Variants in PARD3B observed in about 807,000 individuals in gnomAD.
PARD3B encodes partitioning defective 3 homolog B.
PARD3B carries 103 observed loss-of-function variants against 130.2 expected under a neutral mutation model. That is an observed-to-expected ratio of 0.79 (90% CI 0.67 to 0.93). The LOEUF is 0.93. PARD3B is among the 40% of genes least tolerant of loss of function. PARD3B has a pLI of 0.00. For synonymous variants in PARD3B, 583 were observed against 553.2 expected (o/e 1.05, Z -0.76); for missense variants, 1,609 against 1,499.2 (o/e 1.07, Z -1.21).
At chr2:205,581,200 A>G (rs1166743704) in intron 22 of PARD3B, among the ~76,000 whole-genome samples, 1 of 149,470 alleles carries the variant, frequency 6.7e-6, no homozygotes, top group Non-Finnish European at 1.5e-5. Flanking sequence ...CTATCAACAA[A>G]TAAATGGATA....
chr2:205,006,933 T>C (rs760153910), intron 3 of PARD3B, among the ~76,000 whole-genome samples: 4 of 152,220 alleles, frequency 2.6e-5, no homozygotes, highest in Non-Finnish European at 5.9e-5. Flanking sequence ...TCTAGAATTT[T>C]TATGGTTTTA....
At chr2:205,381,410 C>T (rs35435713) in intron 18 of PARD3B, among the ~76,000 whole-genome samples, 19,386 of 150,860 alleles carry the variant, frequency 0.13, 1,333 homozygotes, top group Middle Eastern at 0.15. Flanking sequence ...CTGCTAATTA[C>T]ATATGTCGTT....
At chr2:205,087,712 C>A (rs1447369513) in intron 4 of PARD3B, among the ~76,000 whole-genome samples, 1 of 152,106 alleles carries the variant, frequency 6.6e-6, no homozygotes, top group Non-Finnish European at 1.5e-5. Context: ...TTGAATTGGG[C>A]AATCAACCTG....
chr2:205,512,146 T>C (rs549014950), intron 21 of PARD3B, among the ~76,000 whole-genome samples: 1 of 152,280 alleles, frequency 6.6e-6, no homozygotes, highest in African/African-American at 2.4e-5. Context: ...TTGAATACGA[T>C]TGTAACGACA....
At chr2:205,343,841 C>A (rs891664799) in intron 18 of PARD3B, among the ~76,000 whole-genome samples, 3 of 152,044 alleles carry the variant, frequency 2.0e-5, no homozygotes, top group African/African-American at 7.2e-5. Context: ...CACCCTCACC[C>A]CCTATGCCTG....
intron 22 of PARD3B, among the ~76,000 whole-genome samples, chr2:205,556,176 G>A (rs2052875891): frequency 6.6e-6 from 1 of 152,130 alleles, no homozygotes; most frequent in Non-Finnish European, 1.5e-5. Flanking sequence ...TATTTATGGA[G>A]TTAAATTTTT....
chr2:204,914,558 G>A (rs191437072), intron 2 of PARD3B, among the ~76,000 whole-genome samples: 1 of 152,296 alleles, frequency 6.6e-6, no homozygotes, highest in Non-Finnish European at 1.5e-5. Context: ...AATCTCCAAT[G>A]AAGGGAGTAG....
At chr2:204,761,624 G>A (rs747730430) in intron 2 of PARD3B, among the ~76,000 whole-genome samples, 1 of 151,192 alleles carries the variant, frequency 6.6e-6, no homozygotes, top group Non-Finnish European at 1.5e-5. Flanking sequence ...ATTTTTCATG[G>A]TTTCTTTGAA....
intron 21 of PARD3B, among the ~76,000 whole-genome samples, chr2:205,546,486 T>C (rs962108256): frequency 6.6e-6 from 1 of 152,174 alleles, no homozygotes; most frequent in African/African-American, 2.4e-5. Flanking sequence ...GCTGCTGACC[T>C]TATTTTTTTG....
chr2:205,126,918 T>A (rs888356774), intron 10 of PARD3B, among the ~76,000 whole-genome samples: 4 of 152,030 alleles, frequency 2.6e-5, no homozygotes, highest in African/African-American at 9.7e-5. Context: ...TCTGGGATAT[T>A]GGTTATGAGA....
intron 15 of PARD3B, among the ~76,000 whole-genome samples, chr2:205,195,158 A>G (rs747697062): frequency 2.6e-5 from 4 of 152,136 alleles, no homozygotes; most frequent in South Asian, 2.1e-4. Flanking sequence ...CTAAACTGAA[A>G]TAGTCCTAGC....
rs768237501 is a variant in PARD3B at position 205,397,644 on chromosome 2, A to T, written c.2631-3369A>T. Among the ~76,000 whole-genome samples, 140 of 152,308 alleles carry T rather than the reference A, an allele frequency of 9.2e-4. No homozygotes were observed. The highest frequency in any genetic ancestry group is 1.4e-3 in the Non-Finnish European group (94 of 68,024). The stretch of plus-strand genomic sequence containing the variant: ...AAAAGCTGCAAATATAGGAGAAATA[A>T]TATGGGACATGGAAAAAAAAGAAAA... On this transcript the variant is annotated intron_variant, in intron 18 of 22. Coordinates refer to ENST00000406610, the MANE Select transcript of PARD3B (RefSeq NM_001302769.2). This position sits in a 1 kb window ranked among gnomAD's most constrained non-coding sequence, Gnocchi z 4.8.
chr2:204,557,924 G>T (rs907549743), intron 1 of PARD3B: 2 of 152,166 alleles, frequency 1.3e-5, no homozygotes, highest in Admixed American at 1.3e-4. Flanking sequence ...GCAGTCTCTT[G>T]TGTTTGAATA....
intron 3 of PARD3B, among the ~76,000 whole-genome samples, chr2:205,018,749 A>AAAG (rs1559359658): frequency 4.2e-5 from 5 of 120,026 alleles, no homozygotes; most frequent in Non-Finnish European, 9.1e-5. Context: ...AAAAAAAAAA[A>AAAG]AGCACGCTGA....
At chr2:204,738,020 CA>C (rs1450567459) in intron 2 of PARD3B, among the ~76,000 whole-genome samples, 20 of 152,198 alleles carry the variant, frequency 1.3e-4, no homozygotes, top group African/African-American at 3.9e-4. Flanking sequence ...CAGATTTGTT[CA>C]AAAACTTTTG....
At chr2:205,350,363 G>T (rs1451753222) in intron 18 of PARD3B, among the ~76,000 whole-genome samples, 1 of 152,128 alleles carries the variant, frequency 6.6e-6, no homozygotes, top group African/African-American at 2.4e-5. Context: ...TCTTTGATTA[G>T]ACTTTCAGAG....
rs190316085 is a variant in PARD3B at position 205,438,507 on chromosome 2, T to A, written c.2742-1863T>A. On this transcript the variant is annotated intron_variant, in intron 19 of 22. Transcript: ENST00000406610. Reference sequence around the variant, plus strand: ...GAATCCTACCCCCTAACTTTATTGATGTCCTTTGCTCTATTTGCAATGGAA... The same window carrying A: ...GAATCCTACCCCCTAACTTTATTGAAGTCCTTTGCTCTATTTGCAATGGAA... Among the ~76,000 whole-genome samples, 169 of 152,356 alleles carry A rather than the reference T, an allele frequency of 1.1e-3. 1 individual carries two copies. Among genetic ancestry groups the A allele is most frequent in the African/African-American group, 4.0e-3 (167 of 41,588 alleles).
chr2:204,750,404 C>A (rs544704412), intron 2 of PARD3B, among the ~76,000 whole-genome samples: 17 of 152,222 alleles, frequency 1.1e-4, no homozygotes, highest in Admixed American at 9.8e-4. Context: ...GGCAACACGA[C>A]AAAACCCCAT....
At chr2:205,510,408 C>A (rs2050546270) in intron 21 of PARD3B, among the ~76,000 whole-genome samples, 1 of 152,180 alleles carries the variant, frequency 6.6e-6, no homozygotes, top group Non-Finnish European at 1.5e-5. Flanking sequence ...GCACACAAAG[C>A]CTTGAGGGTG....
Sources: gnomAD v4.1 joint callset for allele counts (sites outside exome capture counted in the v4.1 genomes callset) on GRCh38, gnomAD v4.1.1 for gene constraint, Gnocchi (gnomAD v3.1) non-coding constraint, MANE v1.5 for transcripts, NCBI Gene and HGNC (gene_info 2026-07-23, HGNC 2026-07-21) for gene names.